Variants in FGGY observed in about 807,000 individuals in gnomAD.
The protein encoded by FGGY is FGGY carbohydrate kinase domain-containing protein.
In FGGY, 72 loss-of-function variants were observed where a neutral mutation model predicts 71.3. The ratio of observed to expected loss-of-function variants is 1.01; its 90% CI spans 0.84 to 1.23. FGGY has a LOEUF of 1.23. Ranked by LOEUF, FGGY falls within the 50% of genes most tolerant of loss-of-function variation. The probability of loss-of-function intolerance (pLI) is 0.00; values close to 1 mark genes in which losing one functional copy is unlikely to be tolerated. For synonymous variants in FGGY, 251 were observed against 250.3 expected (o/e 1.00, Z -0.02); for missense variants, 668 against 682.3 (o/e 0.98, Z 0.23).
chr1:59,483,302 C>T (rs583739), intron 6 of FGGY, among the ~76,000 whole-genome samples: 67,183 of 151,946 alleles, frequency 0.44, 15,118 homozygotes, highest in Middle Eastern at 0.51. Context: ...ACTCATTTGC[C>T]AGACTAATAT....
intron 8 of FGGY, among the ~76,000 whole-genome samples, chr1:59,557,661 A>T (rs1186129133): frequency 6.6e-6 from 1 of 152,208 alleles, no homozygotes; most frequent in East Asian, 1.9e-4. Flanking sequence ...CTGCTTGTTC[A>T]GAGTTAATTA....
intron 6 of FGGY, among the ~76,000 whole-genome samples, chr1:59,503,145 G>A (rs2094280121): frequency 6.6e-6 from 1 of 152,114 alleles, no homozygotes; most frequent in Non-Finnish European, 1.5e-5. Context: ...TTCTGTGCTT[G>A]TATTTCTACA....
chr1:59,298,229 TAA>T (rs2153071129), intron 1 of FGGY, among the ~76,000 whole-genome samples: 1 of 152,310 alleles, frequency 6.6e-6, no homozygotes, highest in East Asian at 1.9e-4. Flanking sequence ...AGTCTCCTGT[TAA>T]TGGGGCCCTC....
intron 11 of FGGY, among the ~76,000 whole-genome samples, chr1:59,651,804 G>C (rs554980309): frequency 1.7e-4 from 26 of 150,478 alleles, no homozygotes; most frequent in Admixed American, 4.6e-4. Flanking sequence ...TATGATGTTA[G>C]CTGGTGATTT....
At chr1:59,469,722 C>T (rs2153542118) in intron 6 of FGGY, among the ~76,000 whole-genome samples, 1 of 152,116 alleles carries the variant, frequency 6.6e-6, no homozygotes, top group African/African-American at 2.4e-5. Flanking sequence ...CGTTATTTTT[C>T]CTGATCCTCT....
intron 4 of FGGY, among the ~76,000 whole-genome samples, chr1:59,362,210 T>A (rs2055695236): frequency 6.6e-6 from 1 of 152,198 alleles, no homozygotes; most frequent in Non-Finnish European, 1.5e-5. Flanking sequence ...CCTATTTAAT[T>A]TTTCTTGTTT....
At position 59,610,893 on chromosome 1, in the gene FGGY, G is replaced by A. The variant is rs555669989; in HGVS notation, c.1011+2983G>A. Reference sequence around the variant, plus strand: ...CTGCGCCTGGCTCAGAGGGTCCCACGCCCACAGAGCCTTGCTCACTGCCAG... The same window carrying A: ...CTGCGCCTGGCTCAGAGGGTCCCACACCCACAGAGCCTTGCTCACTGCCAG... On this transcript the variant is annotated intron_variant, in intron 9 of 15. Transcript: ENST00000303721. Among the ~76,000 whole-genome samples, 5 of 152,340 alleles carry A rather than the reference G, an allele frequency of 3.3e-5. No homozygotes were observed. The South Asian group carries it at 8.3e-4, about 25-fold the overall frequency.
chr1:59,408,185 T>C (rs569037445), intron 5 of FGGY, among the ~76,000 whole-genome samples: 1 of 152,348 alleles, frequency 6.6e-6, no homozygotes, highest in East Asian at 1.9e-4. Flanking sequence ...ATACCATTTA[T>C]GTTTGTTGTG....
At chr1:59,473,439 C>T (rs1251924437) in intron 6 of FGGY, among the ~76,000 whole-genome samples, 2 of 152,132 alleles carry the variant, frequency 1.3e-5, no homozygotes, top group Non-Finnish European at 2.9e-5. Context: ...CGTGAGGGTC[C>T]GCGGCTTCAT....
intron 2 of FGGY, among the ~76,000 whole-genome samples, chr1:59,322,140 TA>T (rs1361251687): frequency 6.6e-6 from 1 of 152,100 alleles, no homozygotes; most frequent in Admixed American, 6.5e-5. Context: ...CATGACCCTA[TA>T]AAGGTAATAC....
intron 12 of FGGY, among the ~76,000 whole-genome samples, chr1:59,666,001 C>A (rs1301858973): frequency 6.6e-6 from 1 of 152,186 alleles, no homozygotes; most frequent in Non-Finnish European, 1.5e-5. Context: ...CTTGGCTAAA[C>A]TCCGATTCTT....
At chr1:59,298,177 G>C (rs1484139062) in intron 1 of FGGY, among the ~76,000 whole-genome samples, 1 of 151,944 alleles carries the variant, frequency 6.6e-6, no homozygotes, top group Non-Finnish European at 1.5e-5. Context: ...TAACTTGCTT[G>C]CTGGATTTTC....
chr1:59,563,825 A>G (rs1486478163), intron 8 of FGGY, among the ~76,000 whole-genome samples: 1 of 152,236 alleles, frequency 6.6e-6, no homozygotes, highest in Non-Finnish European at 1.5e-5. Flanking sequence ...ACAGTATGGT[A>G]CTGGTACCAA....
intron 14 of FGGY, among the ~76,000 whole-genome samples, chr1:59,727,351 A>G (rs1268962296): frequency 6.6e-6 from 1 of 152,188 alleles, no homozygotes; most frequent in African/African-American, 2.4e-5. Flanking sequence ...GGCAATGAAC[A>G]TGCGAGTGCA....
At chr1:59,718,690 G>A (rs1363247713) in intron 14 of FGGY, among the ~76,000 whole-genome samples, 1 of 152,194 alleles carries the variant, frequency 6.6e-6, no homozygotes, top group Non-Finnish European at 1.5e-5. Context: ...AGTTTACCCA[G>A]AGGAGCATTC....
intron 13 of FGGY, among the ~76,000 whole-genome samples, chr1:59,672,222 G>A (rs1425759253): frequency 6.6e-6 from 1 of 152,092 alleles, no homozygotes; most frequent in Non-Finnish European, 1.5e-5. Context: ...AACCTTTATT[G>A]TCCCTTCCCC....
At chr1:59,533,480 G>A (rs1359014476) in intron 7 of FGGY, among the ~76,000 whole-genome samples, 1 of 152,206 alleles carries the variant, frequency 6.6e-6, no homozygotes, top group South Asian at 2.1e-4. Flanking sequence ...CGGGAAGCTC[G>A]AACTGGGTGG....
At chr1:59,658,706 A>G (rs776454194) in intron 11 of FGGY, among the ~76,000 whole-genome samples, 3 of 152,192 alleles carry the variant, frequency 2.0e-5, no homozygotes, top group Non-Finnish European at 2.9e-5. Context: ...TGCATTTAAG[A>G]ACAGTCGATC....
intron 14 of FGGY, among the ~76,000 whole-genome samples, chr1:59,683,884 T>G (rs1263477857): frequency 6.6e-6 from 1 of 152,164 alleles, no homozygotes; most frequent in African/African-American, 2.4e-5. Flanking sequence ...TCTGCTGGCT[T>G]GTTTTTGCCC....
Sources: gnomAD v4.1 joint callset for allele counts (sites outside exome capture counted in the v4.1 genomes callset) on GRCh38, gnomAD v4.1.1 for gene constraint, MANE v1.5 for transcripts, NCBI Gene and HGNC (gene_info 2026-07-23, HGNC 2026-07-21) for gene names.